Variants in ANO10 observed in about 807,000 individuals in gnomAD.
ANO10 encodes anoctamin-10.
ANO10 carries 77 observed loss-of-function variants against 74.7 expected under a neutral mutation model. The ratio of observed to expected loss-of-function variants is 1.03; its 90% confidence interval spans 0.86 to 1.25. The LOEUF (loss-of-function observed/expected upper bound fraction) is 1.25. ANO10 is among the 50% of genes most tolerant of loss of function. ANO10 has a pLI of 0.00. For synonymous variants in ANO10, 279 were observed against 284.9 expected, an observed-to-expected ratio of 0.98 and a Z score of 0.21; for missense variants, 721 against 778.1, an observed-to-expected ratio of 0.93 and a Z score of 0.87.
At chr3:43,394,550 TAAG>T (rs1164855810) in intron 12 of ANO10, among the ~76,000 whole-genome samples, 2 of 152,168 alleles carry the variant, frequency 1.3e-5, no homozygotes, top group East Asian at 1.9e-4. Context: ...TCTCTTCCAG[TAAG>T]AAGATGTAGA....
chr3:43,422,575 C>G (rs2092835930), intron 12 of ANO10, among the ~76,000 whole-genome samples: 2 of 152,196 alleles, frequency 1.3e-5, no homozygotes, highest in South Asian at 4.1e-4. Flanking sequence ...GCCCCAAGGC[C>G]TTTCTCTGTG....
intron 11 of ANO10, among the ~76,000 whole-genome samples, chr3:43,465,948 A>G (rs529200169): frequency 7.9e-5 from 12 of 152,342 alleles, no homozygotes; most frequent in African/African-American, 2.9e-4. Context: ...TGCAGTCTCA[A>G]AAAGTTTTGT....
At chr3:43,555,510 A>C in intron 9 of ANO10, 41 bp from the exon 10 acceptor site, 1 of 1,586,834 alleles carries the variant, frequency 6.3e-7, no homozygotes. Context: ...AATATCATAC[A>C]ATAGGAATAT....
chr3:43,567,203 C>G (rs1404530840), intron 7 of ANO10, among the ~76,000 whole-genome samples: 1 of 152,144 alleles, frequency 6.6e-6, no homozygotes, highest in Non-Finnish European at 1.5e-5. Context: ...AAATCTACAT[C>G]TGATTGGTGT....
chr3:43,498,647 C>T (rs1388992636), intron 11 of ANO10, among the ~76,000 whole-genome samples: 1 of 152,158 alleles, frequency 6.6e-6, no homozygotes, highest in East Asian at 1.9e-4. Flanking sequence ...ACTTTGTAGT[C>T]TGGACTATGC....
intron 1 of ANO10, chr3:43,691,278 C>T: frequency 2.7e-6 from 1 of 369,062 alleles, no homozygotes; most frequent in Non-Finnish European, 4.8e-6. Flanking sequence ...ACTCCGGCCG[C>T]GCCGGGAGGC....
Position 43,691,031 on chromosome 3 carries a change from C to T in ANO10, c.-12+486G>A, listed in dbSNP as rs140969259. 5.0e-3 allele frequency: 7,824 copies of T among 1,560,302 alleles called. 33 individuals are homozygous for T. Among genetic ancestry groups the T allele is most frequent in the Non-Finnish European group, 5.3e-3 (6,141 of 1,155,516 alleles). On this transcript the variant is annotated intron_variant, in intron 1 of 3. Transcript: ENST00000413397. The stretch of plus-strand genomic sequence containing the variant: ...AGGAGGAGGTGGACTCTGCCGACAC[C>T]GGAGAGAGGTAAGCGCAGCCGGCAG...
chr3:43,517,116 A>T (rs1467123375), intron 11 of ANO10, among the ~76,000 whole-genome samples: 1 of 152,150 alleles, frequency 6.6e-6, no homozygotes, highest in Non-Finnish European at 1.5e-5. Flanking sequence ...TAATCAGTAC[A>T]TTTTTTTCAG....
chr3:43,619,183 T>C (rs949567560), intron 1 of ANO10, among the ~76,000 whole-genome samples: 23 of 152,208 alleles, frequency 1.5e-4, no homozygotes, highest in Non-Finnish European at 2.8e-4. Context: ...GGATAGGTTT[T>C]GGATATGAAT....
chr3:43,440,645 C>T (rs1338007258), intron 11 of ANO10, among the ~76,000 whole-genome samples: 1 of 151,978 alleles, frequency 6.6e-6, no homozygotes, highest in Non-Finnish European at 1.5e-5. Flanking sequence ...ATGGATAAAA[C>T]AATCAGACAT....
Position 43,561,254 on chromosome 3 carries a change from T to A in ANO10, c.1442A>T (p.Gln481Leu). 1 of 1,614,196 alleles carries A rather than the reference T, an allele frequency of 6.2e-7. No individual in the cohort carries two copies. Among genetic ancestry groups the A allele is most frequent in the Non-Finnish European group, 8.5e-7 (1 of 1,180,028 alleles). The change falls in exon 9 of 13, where the codon CAA (glutamine) becomes CTA (leucine). Residue 481 changes from glutamine (Q) to leucine (L), a missense_variant. Transcript: ENST00000292246. ...KADIDATLYEQVILEKEMGTY... is the reference protein window; with the variant it reads ...KADIDATLYELVILEKEMGTY... ...TCCCATTTCTTTTTCCAGGATGACT[T>A]GTTCATATAATGTAGCATCAATGTC...
intron 1 of ANO10, among the ~76,000 whole-genome samples, chr3:43,628,829 G>A (rs1217071236): frequency 1.3e-5 from 2 of 152,092 alleles, no homozygotes; most frequent in Non-Finnish European, 2.9e-5. Flanking sequence ...ATAAATTTTG[G>A]TCAGACCGGT....
At chr3:43,473,358 C>A (rs1298679400) in intron 11 of ANO10, among the ~76,000 whole-genome samples, 1 of 152,130 alleles carries the variant, frequency 6.6e-6, no homozygotes, top group East Asian at 1.9e-4. Flanking sequence ...AAGCCACGTT[C>A]TTCCTCACTG....
intron 12 of ANO10, among the ~76,000 whole-genome samples, chr3:43,421,470 A>G (rs534446534): frequency 6.6e-6 from 1 of 152,264 alleles, no homozygotes; most frequent in Non-Finnish European, 1.5e-5. Flanking sequence ...GGCTGCAGTG[A>G]GCATGCATTC....
Position 43,555,302 on chromosome 3 carries a change from A to C in ANO10, c.1644T>G (p.Pro548=). The change falls in exon 10 of 13, where the codon CCT becomes CCG. Residue 548 remains proline, a synonymous_variant. Transcript: ENST00000292246. ...CRVFKRPFSE[P]SANIGVWQLA... ...CCTGCCACACACCAATATTGGCTGA[A>C]GGTTCTGAGAATGGACGTTTGAAGA... The C allele has an allele frequency of 1.2e-6, 2 of 1,614,122 alleles. No individual in the cohort carries two copies. The highest frequency in any genetic ancestry group is 1.7e-6 in the Non-Finnish European group (2 of 1,180,012).
At chr3:43,513,063 A>C (rs971380199) in intron 11 of ANO10, among the ~76,000 whole-genome samples, 4 of 152,236 alleles carry the variant, frequency 2.6e-5, no homozygotes. Context: ...ATAGCTCAGG[A>C]GGTCTGCAGG....
intron 12 of ANO10, among the ~76,000 whole-genome samples, chr3:43,399,315 T>C (rs925036853): frequency 2.6e-5 from 4 of 152,256 alleles, no homozygotes; most frequent in Non-Finnish European, 4.4e-5. Context: ...CGCCTTTTTG[T>C]TCTCTGATCA....
chr3:43,366,260 C>G lies in ANO10; in HGVS notation c.*646G>C, dbSNP rs953927544. The G allele has an allele frequency of 1.3e-5, 2 of 157,276 alleles. No homozygotes were observed. The highest frequency in any genetic ancestry group is 4.8e-5 in the African/African-American group (2 of 41,524). The allele number at this position is 157,276 out of a possible 1,614,324, so 9.7% of individuals were successfully genotyped here. On this transcript the variant is annotated 3_prime_UTR_variant, in exon 13 of 13. Transcript: ENST00000292246. Reference sequence around the variant, plus strand: ...GCCCCTCACCCTGGGCTCCTGATCTCACCGCTCCACCTTCAGTGACCTCAC... The same window carrying G: ...GCCCCTCACCCTGGGCTCCTGATCTGACCGCTCCACCTTCAGTGACCTCAC...
chr3:43,447,175 C>T (rs1448370222), intron 11 of ANO10, among the ~76,000 whole-genome samples: 1 of 152,174 alleles, frequency 6.6e-6, no homozygotes, highest in East Asian at 1.9e-4. Context: ...TTTCCTCCAA[C>T]ATTTGTCATT....
Sources: allele counts gnomAD v4.1 joint callset (sites outside exome capture counted in the v4.1 genomes callset), GRCh38; gene constraint gnomAD v4.1.1; transcripts MANE v1.5; gene names NCBI Gene and HGNC (gene_info 2026-07-23, HGNC 2026-07-21).